FKBP9: variants seen among roughly 807,000 people sequenced by gnomAD.
FKBP9 encodes FKBP prolyl isomerase 9.
In FKBP9, 27 loss-of-function variants were observed where a neutral mutation model predicts 55.6. That is an observed-to-expected ratio of 0.49 (90% CI 0.36 to 0.67). The LOEUF is 0.67. Among genes scored for constraint, FKBP9 ranks in the 30% least tolerant of loss-of-function variants. FKBP9 has a pLI of 0.00. For synonymous variants in FKBP9, 267 were observed against 296.5 expected, an observed-to-expected ratio of 0.90 and a Z score of 1.02; for missense variants, 539 against 742.8, an observed-to-expected ratio of 0.73 and a Z score of 3.19.
Position 32,957,671 on chromosome 7 carries a change from A to G in FKBP9, c.98A>G (p.Asp33Gly). ...GCGCCCGTGGCGGGCCTGGGCTCCG[A>G]CGCGGAGCTGCAGATCGAGCGGCGC... ...QAAPVAGLGSDAELQIERRFV... is the reference protein window; with the variant it reads ...QAAPVAGLGSGAELQIERRFV... Residue 33 changes from aspartate (D) to glycine (G), a missense_variant, in exon 1 of 10, where the codon GAC becomes GGC. This residue lies in a region of FKBP9 where 236 missense variants were observed against 271.5 expected (regional missense o/e 0.87). Transcript: ENST00000242209. 3 of 1,514,746 alleles carry G rather than the reference A, an allele frequency of 2.0e-6. No homozygotes were observed. The highest frequency in any genetic ancestry group is 2.6e-6 in the Non-Finnish European group (3 of 1,140,102). 93.8% of individuals were successfully genotyped at this position (1,514,746 alleles called of 1,614,324 possible). A position where few individuals can be genotyped will look rare whatever the true frequency, so the allele number is the denominator to read the frequency against.
chr7:32,973,544 GTGT>G (rs1231085056), intron 1 of FKBP9, among the ~76,000 whole-genome samples: 11 of 147,658 alleles, frequency 7.4e-5, no homozygotes, highest in Non-Finnish European at 8.9e-5. Flanking sequence ...TGCTGCCTCT[GTGT>G]TTAACTTAGC....
intron 5 of FKBP9, among the ~76,000 whole-genome samples, chr7:32,988,272 A>C (rs1442806259): frequency 2.6e-5 from 4 of 152,218 alleles, no homozygotes; most frequent in Admixed American, 1.3e-4. Context: ...AACCTGATGA[A>C]ACTGGAGGGC....
At chr7:33,001,750 G>T (rs1332586764) in intron 8 of FKBP9, among the ~76,000 whole-genome samples, 1 of 151,960 alleles carries the variant, frequency 6.6e-6, no homozygotes, top group African/African-American at 2.4e-5. Flanking sequence ...TCAAATCTTG[G>T]ATCATCATCT....
chr7:32,982,915 A>T (rs1379253071), intron 5 of FKBP9, among the ~76,000 whole-genome samples: 3 of 152,042 alleles, frequency 2.0e-5, no homozygotes, highest in African/African-American at 4.8e-5. Flanking sequence ...TTTTGTAGGG[A>T]AATCTTAAAA....
intron 5 of FKBP9, among the ~76,000 whole-genome samples, chr7:32,984,165 A>G (rs1207212315): frequency 1.3e-5 from 2 of 151,174 alleles, no homozygotes; most frequent in Admixed American, 6.6e-5. Flanking sequence ...TATTTCCCTC[A>G]AGCCTTTTAA....
chr7:32,959,037 T>C (rs2127974518), intron 1 of FKBP9, among the ~76,000 whole-genome samples: 1 of 152,244 alleles, frequency 6.6e-6, no homozygotes, highest in East Asian at 1.9e-4. Flanking sequence ...ATACAAAAGC[T>C]GTTCAGCATA....
chr7:33,005,271 C>G lies in FKBP9; in HGVS notation c.1633C>G (p.Gln545Glu), dbSNP rs765205010. The change falls in exon 10 of 10, where the codon CAG becomes GAG. Residue 545 changes from glutamine to glutamate, a missense_variant. Transcript: ENST00000242209. ...GATTGTGAAGAATATGTTCACCAAC[C>G]AGGACCGGAATGGAGATGGGAAGGT... is the stretch of plus-strand genomic sequence containing the variant. ...ELIVKNMFTN[Q>E]DRNGDGKVTA... The G allele has an allele frequency of 1.2e-6, 2 of 1,614,198 alleles. No homozygotes were observed. Among genetic ancestry groups the G allele is most frequent in the African/African-American group, 1.3e-5 (1 of 75,052 alleles).
intron 1 of FKBP9, among the ~76,000 whole-genome samples, chr7:32,969,840 T>C (rs1784219352): frequency 6.6e-6 from 1 of 151,888 alleles, no homozygotes; most frequent in African/African-American, 2.4e-5. Flanking sequence ...CTGTCTCTAC[T>C]AAAAATACAA....
At chr7:32,998,953 C>A (rs1235091097) in intron 7 of FKBP9, among the ~76,000 whole-genome samples, 1 of 152,168 alleles carries the variant, frequency 6.6e-6, no homozygotes, top group Non-Finnish European at 1.5e-5. Flanking sequence ...CTTACGCTTG[C>A]GTGTTTAAAC....
At chr7:32,999,237 GACCCAAAGGGGC>G (rs1379796019) in intron 7 of FKBP9, among the ~76,000 whole-genome samples, 14 of 152,058 alleles carry the variant, frequency 9.2e-5, no homozygotes, top group Non-Finnish European at 2.1e-4. Context: ...AAGAGGATAT[GACCCAAAGGGGC>G]ACCCGTCCAT....
chr7:32,985,784 G>A (rs1410214943), intron 5 of FKBP9, among the ~76,000 whole-genome samples: 1 of 152,034 alleles, frequency 6.6e-6, no homozygotes, highest in Non-Finnish European at 1.5e-5. Flanking sequence ...CTTGAAGACA[G>A]GAGTTCAAGA....
chr7:32,962,949 C>A (rs1583838200), intron 1 of FKBP9, among the ~76,000 whole-genome samples: 1 of 152,008 alleles, frequency 6.6e-6, no homozygotes. Flanking sequence ...ATATAACTGA[C>A]CTTCAGATTC....
chr7:33,002,263 A>G (rs994617332), intron 8 of FKBP9, among the ~76,000 whole-genome samples: 9 of 152,036 alleles, frequency 5.9e-5, no homozygotes, highest in African/African-American at 9.7e-5. Context: ...CTTCCCGAGT[A>G]GCTGGGACTA....
At chr7:32,997,968 C>G (rs1298572185) in intron 7 of FKBP9, among the ~76,000 whole-genome samples, 1 of 152,132 alleles carries the variant, frequency 6.6e-6, no homozygotes, top group African/African-American at 2.4e-5. Context: ...GTATCTCTGA[C>G]CAAGTAAAAA....
intron 1 of FKBP9, among the ~76,000 whole-genome samples, chr7:32,974,033 A>G (rs1415480334): frequency 2.0e-5 from 3 of 149,348 alleles, no homozygotes; most frequent in Non-Finnish European, 3.0e-5. Context: ...TTATTTTTTG[A>G]GACTCTGTCG....
intron 5 of FKBP9, among the ~76,000 whole-genome samples, chr7:32,985,596 C>T (rs7807330): frequency 0.12 from 17,948 of 152,216 alleles, 1,407 homozygotes; most frequent in East Asian, 0.4. Flanking sequence ...ACCTTAAAAA[C>T]AGCATTCTTA....
At chr7:32,986,062 G>A (rs1399454640) in intron 5 of FKBP9, among the ~76,000 whole-genome samples, 1 of 152,196 alleles carries the variant, frequency 6.6e-6, no homozygotes, top group Non-Finnish European at 1.5e-5. Context: ...CTTTTCCATT[G>A]GGGAACAGGA....
At position 32,969,103 on chromosome 7, in the gene FKBP9, C is replaced by T. The variant is rs561245716; in HGVS notation, c.222-5514C>T. On this transcript the variant is annotated intron_variant, in intron 1 of 9. Transcript: ENST00000242209. ...TTTTAAAATTGGATTATTTTGTGGTCGTTGAGTTTTAGGAGTTCTTTATAT... is the reference window on the plus strand; with the variant it reads ...TTTTAAAATTGGATTATTTTGTGGTTGTTGAGTTTTAGGAGTTCTTTATAT... Among the ~76,000 whole-genome samples the T allele has an allele frequency of 8.0e-3, 1,217 of 152,012 alleles. 7 individuals are homozygous for T. Among genetic ancestry groups the T allele is most frequent in the South Asian group, 0.02 (95 of 4,814 alleles).
At chr7:33,001,258 A>G (rs1387029398) in intron 8 of FKBP9, among the ~76,000 whole-genome samples, 3 of 152,272 alleles carry the variant, frequency 2.0e-5, no homozygotes, top group South Asian at 2.1e-4. Context: ...ATTGTTGTAT[A>G]TTCTGGCCGG....
Sources: gnomAD v4.1 joint callset for allele counts (sites outside exome capture counted in the v4.1 genomes callset) on GRCh38, gnomAD v4.1.1 for gene constraint, gnomAD v4.1.1 regional missense constraint, MANE v1.5 for transcripts, NCBI Gene and HGNC (gene_info 2026-07-23, HGNC 2026-07-21) for gene names.